The following DNAH11 variants were observed in gnomAD, a reference collection of about 807,000 sequenced individuals.
DNAH11 encodes the protein axonemal beta dynein heavy chain 11.
A neutral mutation model predicts 526.0 loss-of-function variants in DNAH11; 442 were observed. The observed-to-expected ratio is 0.84, with a 90% confidence interval of 0.78 to 0.91. The LOEUF (loss-of-function observed/expected upper bound fraction) is 0.91. Among genes scored for constraint, DNAH11 ranks in the 40% least tolerant of loss-of-function variants. DNAH11 has a pLI of 0.00. For synonymous variants in DNAH11, 2,461 were observed against 1,935.9 expected, an observed-to-expected ratio of 1.27 and a Z score of -7.12; for missense variants, 6,989 against 5,448.7, an observed-to-expected ratio of 1.28 and a Z score of -8.90.
rs1002854001 is a variant in DNAH11, at chr7:21,828,291, C to T, written c.10691+9952C>T. Among the ~76,000 whole-genome samples, 7 of 152,144 alleles carry T rather than the reference C, an allele frequency of 4.6e-5. 1 individual carries two copies. The highest frequency in any genetic ancestry group is 1.4e-4 in the African/African-American group (6 of 41,428). On this transcript the variant is annotated intron_variant, in intron 65 of 81. Transcript: ENST00000409508. Reference sequence around the variant, plus strand: ...ATAAACTCTAGAGTTATGTAGTTCTCTCATTATTTCCTTTGCTGGTAAGAA... The same window carrying T: ...ATAAACTCTAGAGTTATGTAGTTCTTTCATTATTTCCTTTGCTGGTAAGAA...
At chr7:21,710,455 A>G in intron 40 of DNAH11, 98 bp from the exon 41 acceptor site, 1 of 1,094,368 alleles carries the variant, frequency 9.1e-7, no homozygotes, top group Non-Finnish European at 1.3e-6. Flanking sequence ...AGAAAGAGGC[A>G]GCAAAATCGT....
chr7:21,619,251 A>G, intron 24 of DNAH11, 29 bp downstream of exon 24: 1 of 1,598,482 alleles, frequency 6.3e-7, no homozygotes, highest in South Asian at 1.1e-5. Context: ...GGTCATTTCT[A>G]CTTGGCTAAT....
At chr7:21,727,822 T>G (rs913734971) in intron 45 of DNAH11, among the ~76,000 whole-genome samples, 3 of 152,150 alleles carry the variant, frequency 2.0e-5, no homozygotes, top group African/African-American at 7.2e-5. Context: ...TAAAAACGTG[T>G]TTTTCTCAAA....
chr7:21,809,812 C>T (rs531637863), intron 63 of DNAH11, among the ~76,000 whole-genome samples: 6 of 152,072 alleles, frequency 3.9e-5, no homozygotes, highest in East Asian at 3.9e-4. Flanking sequence ...GTGATTCACC[C>T]GCCTCAGCCT....
chr7:21,666,178 C>T (rs1406262844), intron 30 of DNAH11, among the ~76,000 whole-genome samples: 1 of 151,964 alleles, frequency 6.6e-6, no homozygotes, highest in Non-Finnish European at 1.5e-5. Flanking sequence ...ACTCTATTTC[C>T]CCCTTGGATC....
intron 34 of DNAH11, among the ~76,000 whole-genome samples, chr7:21,689,197 C>A (rs1222692749): frequency 6.6e-6 from 1 of 152,178 alleles, no homozygotes; most frequent in South Asian, 2.1e-4. Flanking sequence ...CTTAGATCTC[C>A]AGCTATATTT....
At chr7:21,768,804 T>C (rs572746383) in intron 55 of DNAH11, among the ~76,000 whole-genome samples, 4 of 152,340 alleles carry the variant, frequency 2.6e-5, no homozygotes, top group Admixed American at 2.6e-4. Context: ...GGTCTGTAAA[T>C]TCATTTTTAA....
rs542285028 is a variant in DNAH11, at chr7:21,733,843, A to T, written c.7441-1797A>T. 3.3e-5 allele frequency among the ~76,000 whole-genome samples: 5 copies of T among 152,148 alleles called. No individual in the cohort carries two copies. The South Asian group carries it at 1.0e-3, about 32-fold the overall frequency. ...GCAGGGACTGTCGCTAGCCTTTTTT[A>T]TATATATATACGGAGAAACAGGCAC... is the stretch of plus-strand genomic sequence containing the variant. On this transcript the variant is annotated intron_variant, in intron 45 of 81. Coordinates refer to ENST00000409508, the MANE Select transcript of DNAH11 (RefSeq NM_001277115.2).
chr7:21,600,596 C>T (rs553493720), intron 15 of DNAH11, 80 bp from the exon 16 acceptor site: 2 of 1,383,310 alleles, frequency 1.4e-6, no homozygotes, highest in Admixed American at 2.6e-5. Flanking sequence ...TGAAGAATTA[C>T]CTTGGTAATG....
intron 73 of DNAH11, among the ~76,000 whole-genome samples, chr7:21,870,818 A>T (rs1783467954): frequency 6.6e-6 from 1 of 152,228 alleles, no homozygotes; most frequent in South Asian, 2.1e-4. Flanking sequence ...CTATGCCAGT[A>T]ACCAAGAATT....
At chr7:21,620,739 A>G (rs544493664) in intron 25 of DNAH11, among the ~76,000 whole-genome samples, 3 of 108,826 alleles carry the variant, frequency 2.8e-5, no homozygotes, top group South Asian at 6.3e-4. Flanking sequence ...AACAGTCCCC[A>G]GAGTGTGATG....
Position 21,638,575 on chromosome 7 carries a change from C to T in DNAH11, c.4818-364C>T, listed in dbSNP as rs1786973159. On this transcript the variant is annotated intron_variant, in intron 27 of 81. Coordinates refer to ENST00000409508, the MANE Select transcript of DNAH11 (RefSeq NM_001277115.2). ...AATTACATCTTACCAGTGCATTTTG[C>T]TCTCAGGTTGAAGGATGGCGACCTA... 2.6e-5 allele frequency among the ~76,000 whole-genome samples: 4 copies of T among 152,088 alleles called. No individual in the cohort carries two copies. In the South Asian group the frequency reaches 8.3e-4, roughly 32 times the overall value.
chr7:21,753,196 T>TGG (rs1295359557), intron 54 of DNAH11, among the ~76,000 whole-genome samples: 3 of 152,070 alleles, frequency 2.0e-5, no homozygotes, highest in African/African-American at 7.2e-5. Context: ...TGATCACAGG[T>TGG]GGGTGCAGTA....
intron 30 of DNAH11, among the ~76,000 whole-genome samples, chr7:21,669,288 C>T (rs915526053): frequency 3.3e-5 from 5 of 152,164 alleles, no homozygotes; most frequent in African/African-American, 7.2e-5. Context: ...TCTCCTGCCT[C>T]AGCCTCTTTT....
At chr7:21,669,143 C>T (rs948236742) in intron 30 of DNAH11, among the ~76,000 whole-genome samples, 1 of 152,030 alleles carries the variant, frequency 6.6e-6, no homozygotes, top group Admixed American at 6.6e-5. Context: ...CTATTAAAAT[C>T]TTTTGATCTT....
rs181644522 is a variant in DNAH11 at position 21,544,776 on chromosome 7, A to G, written c.352-230A>G. On this transcript the variant is annotated intron_variant, in intron 1 of 81. Coordinates refer to ENST00000409508, the MANE Select transcript of DNAH11 (RefSeq NM_001277115.2). ...CTGGTATAATTGGCATGCCTTTAAA[A>G]GGTGATATTTCCACACCAGTAATGC... Among the ~76,000 whole-genome samples the G allele has an allele frequency of 2.1e-3, 321 of 152,252 alleles. 1 individual carries two copies. Among genetic ancestry groups the G allele is most frequent in the African/African-American group, 7.2e-3 (301 of 41,544 alleles).
At chr7:21,769,539 C>T (rs1297217976) in intron 55 of DNAH11, among the ~76,000 whole-genome samples, 1 of 151,628 alleles carries the variant, frequency 6.6e-6, no homozygotes, top group Non-Finnish European at 1.5e-5. Flanking sequence ...GGCTGGAGTG[C>T]AGTGGCATGA....
At chr7:21,573,958 A>G (rs1011336669) in intron 8 of DNAH11, among the ~76,000 whole-genome samples, 10 of 152,208 alleles carry the variant, frequency 6.6e-5, no homozygotes, top group Non-Finnish European at 2.9e-5. Flanking sequence ...TCTCATGCCT[A>G]CTAATCAGGC....
chr7:21,742,127 C>T lies in DNAH11; in HGVS notation c.8115C>T (p.His2705=). 6.2e-7 allele frequency: 1 copy of T among 1,613,872 alleles called. No homozygotes were observed. Among genetic ancestry groups the T allele is most frequent in the Non-Finnish European group, 8.5e-7 (1 of 1,179,822 alleles). Residue 2705 remains histidine (H), a synonymous_variant, in exon 49 of 82, where the codon CAC becomes CAT. Coordinates refer to ENST00000409508, the MANE Select transcript of DNAH11 (RefSeq NM_001277115.2). ...TTTTACCCACGGCTATTAAATTCCA[C>T]TACATCTTTAATCTGAGAGATTTAT... The part of the protein sequence containing the change: ...CNFLPTAIKF[H]YIFNLRDLSN...
Sources: gnomAD v4.1 joint callset for allele counts (sites outside exome capture counted in the v4.1 genomes callset) on GRCh38, gnomAD v4.1.1 for gene constraint, MANE v1.5 for transcripts, NCBI Gene and HGNC (gene_info 2026-07-23, HGNC 2026-07-21) for gene names.